CDC40: variants seen among roughly 807,000 people sequenced by gnomAD.
CDC40 encodes pre-mRNA-processing factor 17.
CDC40 carries 27 observed loss-of-function variants against 80.6 expected under a neutral mutation model. The ratio of observed to expected loss-of-function variants is 0.33; its 90% CI spans 0.25 to 0.46. The LOEUF is 0.46. Ranked by LOEUF, CDC40 falls within the 20% of genes least tolerant of loss-of-function variation. The pLI is 1.00. For missense variants in CDC40, 486 were observed against 694.1 expected (o/e 0.70, Z 3.37); for synonymous variants, 221 against 232.6 (o/e 0.95, Z 0.45).
In CDC40 at chr6:110,231,985, T is replaced by C. The variant is rs2114677805; in HGVS notation, c.*1854T>C. The C allele has an allele frequency of 6.8e-6, 1 of 146,724 alleles. No homozygotes were observed. Among genetic ancestry groups the C allele is most frequent in the South Asian group, 2.3e-4 (1 of 4,356 alleles). The allele number at this position is 146,724 out of a possible 1,614,324, so 9.1% of individuals were successfully genotyped here. A position where few individuals can be genotyped will look rare whatever the true frequency, so the allele number is the denominator to read the frequency against. On this transcript the variant is annotated 3_prime_UTR_variant, in exon 15 of 15. Transcript: ENST00000307731. Reference sequence around the variant, plus strand: ...AAGGGGAAAGGATTCAGATATGACCTTTTCTTTAGTCCCAACCACTAGTTT... The same window carrying C: ...AAGGGGAAAGGATTCAGATATGACCCTTTCTTTAGTCCCAACCACTAGTTT...
chr6:110,190,272 C>T (rs779539339), intron 1 of CDC40, among the ~76,000 whole-genome samples: 7 of 152,080 alleles, frequency 4.6e-5, no homozygotes, highest in African/African-American at 9.7e-5. Context: ...AGGTACAAGG[C>T]GGTAACATTG....
rs552125318 is a variant in CDC40, at chr6:110,220,427, A to C, written c.1340+558A>C. On this transcript the variant is annotated intron_variant, in intron 12 of 14. Coordinates refer to ENST00000307731, the MANE Select transcript of CDC40 (RefSeq NM_015891.3). ...GGCTAGGGAGGCCCCACAATCATTG[A>C]TGAAGGAGAAAGGCACTTTTTTTTT... Among the ~76,000 whole-genome samples, 28 of 147,956 alleles carry C rather than the reference A, an allele frequency of 1.9e-4. No individual in the cohort carries two copies. The South Asian group carries it at 5.9e-3, about 31-fold the overall frequency.
chr6:110,225,034 G>C (rs999197969), intron 12 of CDC40, among the ~76,000 whole-genome samples: 2 of 152,106 alleles, frequency 1.3e-5, no homozygotes, highest in African/African-American at 4.8e-5. Flanking sequence ...AGGTATAAAG[G>C]GTTGGAGATC....
chr6:110,191,203 T>G (rs866503806), intron 1 of CDC40, among the ~76,000 whole-genome samples: 2 of 152,346 alleles, frequency 1.3e-5, no homozygotes, highest in South Asian at 2.1e-4. Flanking sequence ...TTATTTTTCT[T>G]GTTGGTTTTT....
rs796936243 is a variant in CDC40, at chr6:110,185,233, CT to C, written c.189+4607del. ...TCTTTCACCCTTTCTTTTTCTTCAT[CT>C]TTTTTTCTTTTTTTTTTTTTTTTTT... On this transcript the variant is annotated intron_variant, in intron 1 of 14. Coordinates refer to ENST00000307731, the MANE Select transcript of CDC40 (RefSeq NM_015891.3). Among the ~76,000 whole-genome samples the C allele has an allele frequency of 8.0e-3, 1,131 of 141,836 alleles. 15 individuals are homozygous for C. Among genetic ancestry groups the C allele is most frequent in the African/African-American group, 0.023 (852 of 37,136 alleles). 93.0% of individuals were successfully genotyped at this position (141,836 alleles called of 152,430 possible). A position where few individuals can be genotyped will look rare whatever the true frequency, so the allele number is the denominator to read the frequency against.
At chr6:110,190,092 G>A (rs1476802510) in intron 1 of CDC40, among the ~76,000 whole-genome samples, 1 of 152,144 alleles carries the variant, frequency 6.6e-6, no homozygotes, top group Non-Finnish European at 1.5e-5. Context: ...GAGGATATAT[G>A]ATGTACATAA....
At chr6:110,196,376 A>G (rs1016567993) in intron 2 of CDC40, among the ~76,000 whole-genome samples, 17 of 152,336 alleles carry the variant, frequency 1.1e-4, no homozygotes, top group African/African-American at 3.6e-4. Context: ...AGCTGGTTAT[A>G]TAGATAATTT....
intron 2 of CDC40, among the ~76,000 whole-genome samples, chr6:110,199,467 A>C (rs1777462937): frequency 6.6e-6 from 1 of 151,734 alleles, no homozygotes; most frequent in Admixed American, 6.6e-5. Context: ...GGTGGTGGGC[A>C]CCTGTAGTCC....
At chr6:110,199,059 T>C (rs1012213485) in intron 2 of CDC40, 6 of 152,222 alleles carry the variant, frequency 3.9e-5, no homozygotes, top group Non-Finnish European at 1.5e-5. Context: ...TAGCTACCAG[T>C]AGATGAATCC....
At position 110,204,828 on chromosome 6, in the gene CDC40, G is replaced by A. The variant is rs192067488; in HGVS notation, c.407-2678G>A. ...GCATGAACGACCACACATAGCTAAT[G>A]TTTTTTTTTGTATTTTTCGTAGAGA... On this transcript the variant is annotated intron_variant, in intron 3 of 14. Coordinates refer to ENST00000307731, the MANE Select transcript of CDC40 (RefSeq NM_015891.3). Among the ~76,000 whole-genome samples the A allele has an allele frequency of 4.7e-5, 7 of 149,806 alleles. No homozygotes were observed. In the East Asian group the frequency reaches 1.4e-3, roughly 29 times the overall value.
chr6:110,222,900 C>G (rs1466761297), intron 12 of CDC40, among the ~76,000 whole-genome samples: 2 of 152,184 alleles, frequency 1.3e-5, no homozygotes, highest in African/African-American at 2.4e-5. Context: ...ATGCCAGTCA[C>G]TATCCTAAGC....
chr6:110,195,470 C>G (rs1247657809), intron 2 of CDC40, among the ~76,000 whole-genome samples: 1 of 152,128 alleles, frequency 6.6e-6, no homozygotes, highest in East Asian at 1.9e-4. Context: ...CAATCCAGGT[C>G]AAGAACATGA....
At chr6:110,208,476 TCTC>T (rs1435376459) in intron 4 of CDC40, among the ~76,000 whole-genome samples, 1 of 152,092 alleles carries the variant, frequency 6.6e-6, no homozygotes, top group African/African-American at 2.4e-5. Context: ...ACACCCTCCT[TCTC>T]CTTTTCTTTT....
At chr6:110,213,865 G>GA (rs1454824956) in intron 8 of CDC40, among the ~76,000 whole-genome samples, 1 of 152,076 alleles carries the variant, frequency 6.6e-6, no homozygotes, top group African/African-American at 2.4e-5. Context: ...ATGTGTGGTA[G>GA]AAAAAACTCC....
At chr6:110,199,648 G>T (rs570367570) in intron 2 of CDC40, among the ~76,000 whole-genome samples, 1 of 151,146 alleles carries the variant, frequency 6.6e-6, no homozygotes, top group Non-Finnish European at 1.5e-5. Context: ...TAGAAAAATT[G>T]TTCTTTCTTT....
Position 110,231,001 on chromosome 6 carries a change from GTAATT to G in CDC40, c.*872_*876del, listed in dbSNP as rs1010408254. The G allele has an allele frequency of 6.6e-6, 1 of 152,080 alleles. No homozygotes were observed. Among genetic ancestry groups the G allele is most frequent in the Non-Finnish European group, 1.5e-5 (1 of 68,024 alleles). The allele number at this position is 152,080 out of a possible 1,614,324, so 9.4% of individuals were successfully genotyped here. A position where few individuals can be genotyped will look rare whatever the true frequency, so the allele number is the denominator to read the frequency against. On this transcript the variant is annotated 3_prime_UTR_variant, in exon 15 of 15. Transcript: ENST00000307731. ...GGGGTAGAGTCCAAGATGTCAACTT[GTAATT>G]TCTTTGAAGTCATATGTTTTATCTT... is the stretch of plus-strand genomic sequence containing the variant.
At chr6:110,199,942 A>G (rs1192267912) in intron 2 of CDC40, among the ~76,000 whole-genome samples, 1 of 152,004 alleles carries the variant, frequency 6.6e-6, no homozygotes, top group Non-Finnish European at 1.5e-5. Context: ...TGTTATCTGT[A>G]ATTTTATGGC....
At chr6:110,229,291 A>G (rs1004960775) in intron 14 of CDC40, among the ~76,000 whole-genome samples, 4 of 152,198 alleles carry the variant, frequency 2.6e-5, no homozygotes, top group African/African-American at 9.6e-5. Flanking sequence ...TAGAAGTGCT[A>G]TAATCACTGT....
At chr6:110,201,427 G>C (rs2114657149) in intron 2 of CDC40, 131 bp from the exon 3 acceptor site, 2 of 599,618 alleles carry the variant, frequency 3.3e-6, no homozygotes, top group East Asian at 3.0e-5. Context: ...AACCGTATCA[G>C]GCTAATGTGT....
Sources: allele counts gnomAD v4.1 joint callset (sites outside exome capture counted in the v4.1 genomes callset), GRCh38; gene constraint gnomAD v4.1.1; transcripts MANE v1.5; gene names NCBI Gene and HGNC (gene_info 2026-07-23, HGNC 2026-07-21).